HTR1F: variants seen among roughly 807,000 people sequenced by gnomAD.
The protein encoded by HTR1F is 5-hydroxytryptamine (serotonin) receptor 1F, G protein-coupled.
Under a neutral mutation model 24.0 loss-of-function variants are expected in HTR1F, and 17 were observed. The ratio of observed to expected loss-of-function variants is 0.71; its 90% CI spans 0.48 to 1.06. HTR1F has a LOEUF of 1.06. HTR1F is among the 50% of genes least tolerant of loss of function. The pLI is 0.00. For synonymous variants in HTR1F, 186 were observed against 156.8 expected, an observed-to-expected ratio of 1.19 and a Z score of -1.39; for missense variants, 391 against 427.8, an observed-to-expected ratio of 0.91 and a Z score of 0.76.
At chr3:87,888,543 CAAAG>C (rs1706010158) in intron 2 of HTR1F, among the ~76,000 whole-genome samples, 1 of 151,864 alleles carries the variant, frequency 6.6e-6, no homozygotes, top group Non-Finnish European at 1.5e-5. Context: ...CATTGTGAGA[CAAAG>C]AATATGGACT....
At chr3:87,806,063 A>G (rs890684043) in intron 1 of HTR1F, among the ~76,000 whole-genome samples, 1 of 152,136 alleles carries the variant, frequency 6.6e-6, no homozygotes, top group East Asian at 1.9e-4. Flanking sequence ...CGCCAGTTCC[A>G]TGCACATGAC....
At chr3:87,930,474 T>C (rs1704235257) in intron 2 of HTR1F, among the ~76,000 whole-genome samples, 1 of 152,316 alleles carries the variant, frequency 6.6e-6, no homozygotes, top group South Asian at 2.1e-4. Flanking sequence ...ACCCAGTCTA[T>C]TGAGAGTTTT....
At chr3:87,895,037 AG>A (rs1201016744) in intron 2 of HTR1F, among the ~76,000 whole-genome samples, 3 of 152,152 alleles carry the variant, frequency 2.0e-5, no homozygotes, top group Admixed American at 2.0e-4. Flanking sequence ...AAAGGATTAA[AG>A]GGGGTTAACC....
chr3:87,836,097 C>T (rs1704677444), intron 2 of HTR1F, among the ~76,000 whole-genome samples: 1 of 152,158 alleles, frequency 6.6e-6, no homozygotes, highest in South Asian at 2.1e-4. Flanking sequence ...TTATTATCTG[C>T]AAAGTGGTGA....
chr3:87,979,591 T>G (rs1231333548), intron 2 of HTR1F, among the ~76,000 whole-genome samples: 1 of 152,192 alleles, frequency 6.6e-6, no homozygotes, highest in Non-Finnish European at 1.5e-5. Context: ...AGGTTGTCAC[T>G]TTTCCAGTCA....
At chr3:87,926,144 A>C (rs912048260) in intron 2 of HTR1F, among the ~76,000 whole-genome samples, 10 of 152,184 alleles carry the variant, frequency 6.6e-5, no homozygotes, top group Middle Eastern at 3.2e-3. Flanking sequence ...CATGCTTTTG[A>C]CATTACTGAA....
intron 2 of HTR1F, among the ~76,000 whole-genome samples, chr3:87,935,866 T>G (rs1704400726): frequency 6.6e-6 from 1 of 152,190 alleles, no homozygotes; most frequent in Non-Finnish European, 1.5e-5. Flanking sequence ...GGATTTTTTT[T>G]TTTAGATGGA....
chr3:87,874,093 C>T (rs1705617392), intron 2 of HTR1F, among the ~76,000 whole-genome samples: 1 of 152,064 alleles, frequency 6.6e-6, no homozygotes, highest in African/African-American at 2.4e-5. Flanking sequence ...ACTTTCATGA[C>T]TTCTATTCAA....
chr3:87,957,150 T>C (rs1050394445), intron 2 of HTR1F, among the ~76,000 whole-genome samples: 1 of 151,300 alleles, frequency 6.6e-6, no homozygotes, highest in African/African-American at 2.4e-5. Context: ...TCTAAGAGTT[T>C]TTATCAGGAA....
intron 2 of HTR1F, among the ~76,000 whole-genome samples, chr3:87,987,779 G>A (rs1469454117): frequency 1.6e-5 from 2 of 126,790 alleles, no homozygotes; most frequent in Admixed American, 8.1e-5. Flanking sequence ...TTTTATATAT[G>A]TATTTTATAT....
intron 2 of HTR1F, among the ~76,000 whole-genome samples, chr3:87,956,779 T>C (rs563655232): frequency 3.9e-4 from 59 of 151,478 alleles, no homozygotes; most frequent in African/African-American, 1.3e-3. Context: ...TTACCAATTA[T>C]TTGCTATTAT....
chr3:87,908,274 A>C (rs1703707281), intron 2 of HTR1F, among the ~76,000 whole-genome samples: 1 of 152,146 alleles, frequency 6.6e-6, no homozygotes, highest in Admixed American at 6.6e-5. Context: ...AACAAAAAGA[A>C]GTAGATTGAT....
At chr3:87,903,934 A>T (rs1176064674) in intron 2 of HTR1F, among the ~76,000 whole-genome samples, 1 of 152,198 alleles carries the variant, frequency 6.6e-6, no homozygotes, top group Admixed American at 6.6e-5. Flanking sequence ...TTATTTAAGA[A>T]TGTTAAAGTA....
At chr3:87,913,307 G>T (rs1307443871) in intron 2 of HTR1F, among the ~76,000 whole-genome samples, 1 of 152,048 alleles carries the variant, frequency 6.6e-6, no homozygotes, top group Non-Finnish European at 1.5e-5. Flanking sequence ...AAAGAAGACA[G>T]ACATGTTGCC....
chr3:87,961,573 G>A (rs1277254701), intron 2 of HTR1F, among the ~76,000 whole-genome samples: 1 of 151,902 alleles, frequency 6.6e-6, no homozygotes, highest in Non-Finnish European at 1.5e-5. Context: ...ACCAGCCTGG[G>A]CAACATAGTG....
At chr3:87,846,445 A>AAT (rs1553665392) in intron 2 of HTR1F, among the ~76,000 whole-genome samples, 26 of 151,994 alleles carry the variant, frequency 1.7e-4, no homozygotes, top group African/African-American at 4.8e-4. Flanking sequence ...TCAAAAAAAA[A>AAT]ATATATTATG....
intron 2 of HTR1F, among the ~76,000 whole-genome samples, chr3:87,874,052 G>T (rs1705616341): frequency 6.6e-6 from 1 of 152,024 alleles, no homozygotes; most frequent in Admixed American, 6.6e-5. Context: ...ACCTTTTCCT[G>T]TAAGATTAGG....
At chr3:87,928,770 C>G (rs574770551) in intron 2 of HTR1F, among the ~76,000 whole-genome samples, 1 of 152,090 alleles carries the variant, frequency 6.6e-6, no homozygotes, top group Non-Finnish European at 1.5e-5. Flanking sequence ...CTAAGCAAGA[C>G]CACTGATAAA....
At chr3:87,843,220 T>C (rs1704847661) in intron 2 of HTR1F, among the ~76,000 whole-genome samples, 1 of 151,990 alleles carries the variant, frequency 6.6e-6, no homozygotes, top group South Asian at 2.1e-4. Context: ...AATCTTTTTG[T>C]TTATGCTAGT....
Sources: allele counts gnomAD v4.1 joint callset (sites outside exome capture counted in the v4.1 genomes callset), GRCh38; gene constraint gnomAD v4.1.1; transcripts MANE v1.5; gene names NCBI Gene and HGNC (gene_info 2026-07-23, HGNC 2026-07-21).